PRKCI: variants seen among roughly 807,000 people sequenced by gnomAD.
PRKCI encodes protein kinase C iota, also known as protein kinase C iota type.
In PRKCI, 43 loss-of-function variants were observed where a neutral mutation model predicts 84.0. The ratio of observed to expected loss-of-function variants is 0.51; its 90% CI spans 0.40 to 0.66. PRKCI has a LOEUF of 0.66. Among genes scored for constraint, PRKCI ranks in the 30% least tolerant of loss-of-function variants. The pLI, the probability that PRKCI is intolerant of heterozygous loss-of-function variation, is 0.00. For synonymous variants in PRKCI, 216 were observed against 234.4 expected, an observed-to-expected ratio of 0.92 and a Z score of 0.72; for missense variants, 459 against 745.6, an observed-to-expected ratio of 0.62 and a Z score of 4.48.
At chr3:170,280,860 T>C (rs1204256020) in intron 9 of PRKCI, among the ~76,000 whole-genome samples, 5 of 152,190 alleles carry the variant, frequency 3.3e-5, no homozygotes, top group African/African-American at 1.2e-4. Flanking sequence ...ACTTTTCTTA[T>C]AGATGGTATA....
At chr3:170,250,078 C>T (rs1733399505) in intron 2 of PRKCI, among the ~76,000 whole-genome samples, 1 of 151,730 alleles carries the variant, frequency 6.6e-6, no homozygotes, top group Non-Finnish European at 1.5e-5. Flanking sequence ...CAGTTTGAGA[C>T]CAGCCTGGCC....
chr3:170,245,827 T>C (rs1255583073), intron 2 of PRKCI, among the ~76,000 whole-genome samples: 2 of 152,174 alleles, frequency 1.3e-5, no homozygotes, highest in South Asian at 2.1e-4. Flanking sequence ...TCCTCCTAGC[T>C]GAAACTACAG....
intron 8 of PRKCI, among the ~76,000 whole-genome samples, chr3:170,279,056 C>T (rs1412795732): frequency 6.6e-6 from 1 of 152,176 alleles, no homozygotes; most frequent in East Asian, 1.9e-4. Context: ...TTGACAGGGT[C>T]TCACTTTGTG....
intron 1 of PRKCI, among the ~76,000 whole-genome samples, chr3:170,225,974 G>A (rs558068231): frequency 1.6e-4 from 25 of 151,908 alleles, no homozygotes; most frequent in African/African-American, 5.1e-4. Flanking sequence ...GTGCAGTGGC[G>A]TGATCTCGGC....
chr3:170,285,181 G>A (rs1211766115), intron 12 of PRKCI, among the ~76,000 whole-genome samples: 3 of 150,862 alleles, frequency 2.0e-5, no homozygotes, highest in East Asian at 2.0e-4. Context: ...CCGGGTTGAC[G>A]CCATTCTCCT....
At position 170,270,441 on chromosome 3, in the gene PRKCI, C is replaced by T; in HGVS notation, c.471C>T (p.Cys157=). ...TTCAGCGTGCTCACTGTGCCATCTG[C>T]ACAGACCGAATATGGGGACTTGGAC... The part of the protein sequence containing the change: ...RFNRRAHCAI[C]TDRIWGLGRQ... Residue 157 remains cysteine, a synonymous_variant, in exon 6 of 18, where the codon TGC becomes TGT. Transcript: ENST00000295797. 1.2e-6 allele frequency: 2 copies of T among 1,613,296 alleles called. No individual in the cohort carries two copies. Among genetic ancestry groups the T allele is most frequent in the African/African-American group, 2.7e-5 (2 of 75,016 alleles).
At position 170,285,368 on chromosome 3, in the gene PRKCI, C is replaced by T. The variant is rs142550654; in HGVS notation, c.1203+772C>T. Among the ~76,000 whole-genome samples the T allele has an allele frequency of 2.1e-3, 316 of 152,178 alleles. 1 individual carries two copies. Among genetic ancestry groups the T allele is most frequent in the South Asian group, 7.5e-3 (36 of 4,826 alleles). ...TGCTGGGATTACAGGCGTGAGCCAT[C>T]GCGCCTGGCCTATTTCTTGATGTTT... is the stretch of plus-strand genomic sequence containing the variant. On this transcript the variant is annotated intron_variant, in intron 12 of 17. Coordinates refer to ENST00000295797, the MANE Select transcript of PRKCI (RefSeq NM_002740.6).
chr3:170,245,137 T>C (rs1420395099), intron 2 of PRKCI, among the ~76,000 whole-genome samples: 2 of 151,766 alleles, frequency 1.3e-5, no homozygotes, highest in African/African-American at 2.4e-5. Context: ...GAGAAGTCAG[T>C]TGTAGGGGTG....
Position 170,263,418 on chromosome 3 carries a change from CAGG to C in PRKCI, c.356_358del (p.Gly119del). ...CCAGAACGTCCTGGGATGCCTTGTC[CAGG>C]AGAAGATAGTGAGTGTTTATATACT... On this transcript the variant is annotated inframe_deletion, in exon 4 of 18. Transcript: ENST00000295797. 6.3e-7 allele frequency: 1 copy of C among 1,597,438 alleles called. No homozygotes were observed. Among genetic ancestry groups the C allele is most frequent in the Non-Finnish European group, 8.6e-7 (1 of 1,165,122 alleles).
intron 16 of PRKCI, among the ~76,000 whole-genome samples, chr3:170,298,382 T>A (rs777387328): frequency 6.6e-6 from 1 of 151,456 alleles, no homozygotes; most frequent in South Asian, 2.1e-4. Context: ...GCATAAGCCA[T>A]GGTACCCAGC....
intron 2 of PRKCI, among the ~76,000 whole-genome samples, chr3:170,239,281 AG>A (rs1415179259): frequency 6.6e-4 from 101 of 152,210 alleles, no homozygotes; most frequent in Admixed American, 2.4e-3. Flanking sequence ...TCACAAAGAT[AG>A]TTTAAATATG....
chr3:170,235,670 A>AT (rs199550380), intron 2 of PRKCI, among the ~76,000 whole-genome samples: 3,070 of 151,040 alleles, frequency 0.02, 50 homozygotes, highest in East Asian at 0.085. Context: ...GGTTCAAGCG[A>AT]TTCTCCTGCC....
At chr3:170,302,903 G>T (rs1306299713) in intron 17 of PRKCI, 137 bp from the exon 18 acceptor site, 5 of 548,862 alleles carry the variant, frequency 9.1e-6, no homozygotes, top group Non-Finnish European at 1.5e-5. Context: ...TAGAAAATCT[G>T]GGGGATTAAT....
chr3:170,248,783 A>G (rs1325935819), intron 2 of PRKCI, among the ~76,000 whole-genome samples: 2 of 152,126 alleles, frequency 1.3e-5, no homozygotes. Flanking sequence ...GCAAGCAGAT[A>G]CTGGCCTGAT....
chr3:170,251,126 A>G (rs1577350386), intron 2 of PRKCI, among the ~76,000 whole-genome samples: 1 of 152,230 alleles, frequency 6.6e-6, no homozygotes. Flanking sequence ...ATTTGAAGAA[A>G]CTATATAAAG....
chr3:170,244,244 G>T, intron 2 of PRKCI, among the ~76,000 whole-genome samples: 1 of 152,248 alleles, frequency 6.6e-6, no homozygotes. Context: ...CAACCATGTG[G>T]TTATCTCTAA....
Position 170,222,608 on chromosome 3 carries a change from A to T in PRKCI, c.-62A>T. ...GCAAGCGCAGGCGGCGGAGTCCCCCACGGCGCCCGAAGCGCCCCCCCGCAC... is the reference window on the plus strand; with the variant it reads ...GCAAGCGCAGGCGGCGGAGTCCCCCTCGGCGCCCGAAGCGCCCCCCCGCAC... On this transcript the variant is annotated 5_prime_UTR_variant, in exon 1 of 18. Transcript: ENST00000295797. 2.8e-6 allele frequency: 4 copies of T among 1,419,724 alleles called. No individual in the cohort carries two copies. The South Asian group carries it at 5.3e-5, about 19-fold the overall frequency. The allele number at this position is 1,419,724 out of a possible 1,614,324, so 87.9% of individuals were successfully genotyped here.
chr3:170,253,124 A>G (rs997582455), intron 2 of PRKCI, among the ~76,000 whole-genome samples: 59 of 152,146 alleles, frequency 3.9e-4, no homozygotes, highest in African/African-American at 1.3e-3. Context: ...AATCATGGCT[A>G]TTGTGAATAG....
chr3:170,268,693 T>G (rs1345489329), intron 5 of PRKCI, among the ~76,000 whole-genome samples: 2 of 152,212 alleles, frequency 1.3e-5, no homozygotes, highest in Non-Finnish European at 2.9e-5. Flanking sequence ...ATCTGGGTTG[T>G]ACTACGTACC....
Sources: allele counts gnomAD v4.1 joint callset (sites outside exome capture counted in the v4.1 genomes callset), GRCh38; gene constraint gnomAD v4.1.1; transcripts MANE v1.5; gene names NCBI Gene and HGNC (gene_info 2026-07-23, HGNC 2026-07-21).